TMEM267: variants seen among roughly 807,000 people sequenced by gnomAD.
The protein encoded by TMEM267 is transmembrane protein C5orf28.
TMEM267 carries 20 observed loss-of-function variants against 19.3 expected under a neutral mutation model. The observed-to-expected ratio is 1.04, with a 90% CI of 0.73 to 1.51. The LOEUF is 1.51. TMEM267 is among the 40% of genes most tolerant of loss of function. The pLI is 0.00. For synonymous variants in TMEM267, 88 were observed against 90.3 expected (o/e 0.97, Z 0.15); for missense variants, 242 against 261.9 (o/e 0.92, Z 0.52).
chr5:43,457,606 G>A (rs1247042032), intron 1 of TMEM267, among the ~76,000 whole-genome samples: 1 of 152,038 alleles, frequency 6.6e-6, no homozygotes, highest in Non-Finnish European at 1.5e-5. Flanking sequence ...ACACCTAGGG[G>A]GATATCTGCC....
intron 1 of TMEM267, among the ~76,000 whole-genome samples, chr5:43,465,607 C>A (rs1743608243): frequency 6.6e-6 from 1 of 152,172 alleles, no homozygotes; most frequent in Non-Finnish European, 1.5e-5. Context: ...CACATATACA[C>A]CATGGAATAC....
At chr5:43,477,590 C>CA (rs10717949) in intron 1 of TMEM267, among the ~76,000 whole-genome samples, 1,596 of 80,048 alleles carry the variant, frequency 0.02, 27 homozygotes, top group African/African-American at 0.053. Flanking sequence ...GACTCCGTCT[C>CA]AAAAAAAAAA....
At position 43,446,180 on chromosome 5, in the gene TMEM267, T is replaced by C; in HGVS notation, c.*42A>G. On this transcript the variant is annotated 3_prime_UTR_variant, in exon 3 of 3. Transcript: ENST00000397080. ...CTTTAATGTTGGCTACTCTTAATTA[T>C]CATCATCTGAGCCATTTGCTTCTCT... 1 of 1,246,950 alleles carries C rather than the reference T, an allele frequency of 8.0e-7. No individual in the cohort carries two copies. Among genetic ancestry groups the C allele is most frequent in the Non-Finnish European group, 1.1e-6 (1 of 874,664 alleles). 77.2% of individuals were successfully genotyped at this position (1,246,950 alleles called of 1,614,324 possible).
chr5:43,468,987 G>A (rs888315036), intron 1 of TMEM267, among the ~76,000 whole-genome samples: 4 of 152,090 alleles, frequency 2.6e-5, no homozygotes, highest in Non-Finnish European at 4.4e-5. Flanking sequence ...GGTCAATGAA[G>A]AAATTAAGAA....
At chr5:43,458,900 A>T (rs1743100047) in intron 1 of TMEM267, among the ~76,000 whole-genome samples, 1 of 152,204 alleles carries the variant, frequency 6.6e-6, no homozygotes, top group Non-Finnish European at 1.5e-5. Context: ...AACATTTGCA[A>T]ATAATTTTTC....
At chr5:43,477,952 T>C (rs1310312711) in intron 1 of TMEM267, among the ~76,000 whole-genome samples, 1 of 152,212 alleles carries the variant, frequency 6.6e-6, no homozygotes, top group Non-Finnish European at 1.5e-5. Context: ...AGTGGGTTTG[T>C]GGGCGTTAAT....
chr5:43,461,150 T>G (rs967883973), intron 1 of TMEM267, among the ~76,000 whole-genome samples: 6 of 152,148 alleles, frequency 3.9e-5, no homozygotes, highest in Non-Finnish European at 5.9e-5. Flanking sequence ...CAGGCCCTAG[T>G]TCCCAGATGT....
chr5:43,468,130 G>GC (rs767350913), intron 1 of TMEM267, among the ~76,000 whole-genome samples: 2 of 151,694 alleles, frequency 1.3e-5, no homozygotes, highest in Non-Finnish European at 2.9e-5. Context: ...GGAGTGGGGG[G>GC]GCGGGTGTCT....
intron 1 of TMEM267, among the ~76,000 whole-genome samples, chr5:43,477,481 C>T (rs1052973434): frequency 1.3e-5 from 2 of 151,382 alleles, no homozygotes; most frequent in African/African-American, 4.9e-5. Context: ...GTAATCCCAG[C>T]TACTTGGGAA....
chr5:43,447,767 T>C (rs1436367824), intron 2 of TMEM267, among the ~76,000 whole-genome samples: 1 of 152,130 alleles, frequency 6.6e-6, no homozygotes, highest in Non-Finnish European at 1.5e-5. Context: ...GGAAAAACTA[T>C]ATTGAAGAGA....
intron 2 of TMEM267, among the ~76,000 whole-genome samples, chr5:43,449,221 G>A (rs757669005): frequency 3.3e-5 from 5 of 151,970 alleles, no homozygotes; most frequent in Admixed American, 6.6e-5. Context: ...GCAGTGAGCT[G>A]AGATCACACC....
Position 43,454,023 on chromosome 5 carries a change from C to T in TMEM267, c.-54G>A, listed in dbSNP as rs1312103528. The T allele has an allele frequency of 3.8e-6, 6 of 1,558,530 alleles. No homozygotes were observed. The highest frequency in any genetic ancestry group is 5.2e-6 in the Non-Finnish European group (6 of 1,153,664). On this transcript the variant is annotated 5_prime_UTR_variant, in exon 2 of 3. Transcript: ENST00000397080. Reference sequence around the variant, plus strand: ...AGCCATCAGGAATGAACAGTCTATTCTTGTTTACATTTCCAGCACCCTAAA... The same window carrying T: ...AGCCATCAGGAATGAACAGTCTATTTTTGTTTACATTTCCAGCACCCTAAA...
intron 2 of TMEM267, among the ~76,000 whole-genome samples, chr5:43,447,420 A>G (rs1561182834): frequency 2.6e-5 from 4 of 152,034 alleles, no homozygotes; most frequent in Admixed American, 2.6e-4. Flanking sequence ...CCACTACCAA[A>G]ATGTATACTC....
rs533075262 is a variant in TMEM267 at position 43,463,955 on chromosome 5, A to G, written c.-74-9912T>C. The stretch of plus-strand genomic sequence containing the variant: ...ACATAGTGTTGGAAGTTCTGGCCAG[A>G]GCAATTAGGCAGGAGAAGGAAATAA... On this transcript the variant is annotated intron_variant, in intron 1 of 2. Coordinates refer to ENST00000397080, the MANE Select transcript of TMEM267 (RefSeq NM_022483.5). 9.1e-4 allele frequency among the ~76,000 whole-genome samples: 139 copies of G among 152,196 alleles called. 1 individual carries two copies. Among genetic ancestry groups the G allele is most frequent in the African/African-American group, 3.0e-3 (126 of 41,532 alleles).
chr5:43,449,589 G>A (rs891292429), intron 2 of TMEM267, among the ~76,000 whole-genome samples: 4 of 152,176 alleles, frequency 2.6e-5, no homozygotes, highest in Admixed American at 1.3e-4. Context: ...CAGTTTTTAA[G>A]CCCTCCACGC....
chr5:43,469,476 G>A (rs1174398546), intron 1 of TMEM267, among the ~76,000 whole-genome samples: 1 of 152,084 alleles, frequency 6.6e-6, no homozygotes, highest in Non-Finnish European at 1.5e-5. Flanking sequence ...CAATCAGTGT[G>A]ATACATCATA....
At chr5:43,470,850 GC>G (rs1465018156) in intron 1 of TMEM267, among the ~76,000 whole-genome samples, 1 of 151,854 alleles carries the variant, frequency 6.6e-6, no homozygotes, top group Non-Finnish European at 1.5e-5. Flanking sequence ...ACCTAAAGAC[GC>G]GACAAGAAAA....
chr5:43,463,065 G>C (rs1579806320), intron 1 of TMEM267, among the ~76,000 whole-genome samples: 1 of 151,996 alleles, frequency 6.6e-6, no homozygotes, highest in African/African-American at 2.4e-5. Context: ...GAAGAAAAGA[G>C]AGAAGAATCA....
intron 1 of TMEM267, among the ~76,000 whole-genome samples, chr5:43,479,234 TA>T (rs1233094129): frequency 6.6e-6 from 1 of 152,002 alleles, no homozygotes; most frequent in Non-Finnish European, 1.5e-5. Context: ...AAATAATATG[TA>T]AAAAATTACA....
Sources: allele counts gnomAD v4.1 joint callset (sites outside exome capture counted in the v4.1 genomes callset), GRCh38; gene constraint gnomAD v4.1.1; transcripts MANE v1.5; gene names NCBI Gene and HGNC (gene_info 2026-07-23, HGNC 2026-07-21).